Variants in THRB observed in about 807,000 individuals in gnomAD.
THRB encodes thyroid hormone receptor beta.
Under a neutral mutation model 47.8 loss-of-function variants are expected in THRB, and 12 were observed. The ratio of observed to expected loss-of-function variants is 0.25; its 90% CI spans 0.16 to 0.41. The LOEUF is 0.41. Ranked by LOEUF, THRB falls within the 10% of genes least tolerant of loss-of-function variation. The probability of loss-of-function intolerance (pLI) is 1.00; values close to 1 mark genes in which losing one functional copy is unlikely to be tolerated. For missense variants in THRB, 348 were observed against 589.2 expected (o/e 0.59, Z 4.24); for synonymous variants, 218 against 212.2 (o/e 1.03, Z -0.24).
At chr3:24,208,536 AT>A (rs1344361864) in intron 4 of THRB, among the ~76,000 whole-genome samples, 2 of 152,222 alleles carry the variant, frequency 1.3e-5, no homozygotes, top group African/African-American at 4.8e-5. Context: ...GCCCTCAGAA[AT>A]AATACCACAC....
intron 3 of THRB, among the ~76,000 whole-genome samples, chr3:24,264,376 G>T (rs762273435): frequency 6.6e-6 from 1 of 152,100 alleles, no homozygotes; most frequent in African/African-American, 2.4e-5. Context: ...TGTGTTTATT[G>T]TACCTCTTAA....
At chr3:24,358,971 A>G (rs1326531856) in intron 1 of THRB, among the ~76,000 whole-genome samples, 3 of 152,170 alleles carry the variant, frequency 2.0e-5, no homozygotes, top group African/African-American at 7.2e-5. Flanking sequence ...ATTTTCCTCA[A>G]TGGGAAGAAT....
intron 6 of THRB, among the ~76,000 whole-genome samples, chr3:24,151,834 C>T (rs145388139): frequency 6.6e-6 from 1 of 152,308 alleles, no homozygotes; most frequent in Non-Finnish European, 1.5e-5. Context: ...GATGGATGAC[C>T]AGAATCTACT....
chr3:24,254,804 T>A (rs766639125), intron 3 of THRB, among the ~76,000 whole-genome samples: 1 of 152,344 alleles, frequency 6.6e-6, no homozygotes. Context: ...ACGTACACCA[T>A]TTTTATTTTC....
At chr3:24,466,985 T>C (rs2074207613) in intron 1 of THRB, among the ~76,000 whole-genome samples, 1 of 152,236 alleles carries the variant, frequency 6.6e-6, no homozygotes, top group Non-Finnish European at 1.5e-5. Flanking sequence ...TGCTGTTTGA[T>C]AGAATTTTGC....
At chr3:24,216,674 G>A (rs2046602181) in intron 4 of THRB, among the ~76,000 whole-genome samples, 1 of 152,106 alleles carries the variant, frequency 6.6e-6, no homozygotes, top group African/African-American at 2.4e-5. Flanking sequence ...CTTCTCAAAG[G>A]CAAGAACTCT....
chr3:24,329,397 A>G (rs1441557651), intron 2 of THRB, among the ~76,000 whole-genome samples: 2 of 151,976 alleles, frequency 1.3e-5, no homozygotes, highest in East Asian at 3.9e-4. Context: ...GAGGTATCCT[A>G]TCTTCCAGGA....
chr3:24,271,963 T>C (rs1202471579), intron 3 of THRB, among the ~76,000 whole-genome samples: 1 of 152,156 alleles, frequency 6.6e-6, no homozygotes, highest in Non-Finnish European at 1.5e-5. Flanking sequence ...ATGATGGTCT[T>C]GGGTTATTAT....
intron 9 of THRB, among the ~76,000 whole-genome samples, chr3:24,128,029 G>A (rs972726464): frequency 2.6e-5 from 4 of 152,146 alleles, no homozygotes; most frequent in African/African-American, 4.8e-5. Context: ...TATTACAGTC[G>A]TGTGTGAAAC....
At chr3:24,336,722 C>CCTTTTTTTTTTTTTTTTTTTT (rs1167185445) in intron 2 of THRB, among the ~76,000 whole-genome samples, 1 of 135,960 alleles carries the variant, frequency 7.4e-6, no homozygotes. Context: ...AATTCTCATG[C>CCTTTTTTTTTTTTTTTTTTTT]TTTTTTTTTT....
chr3:24,176,594 A>ATGTT (rs1344506368), intron 5 of THRB, among the ~76,000 whole-genome samples: 1 of 152,188 alleles, frequency 6.6e-6, no homozygotes, highest in Non-Finnish European at 1.5e-5. Context: ...ATACTTGAAA[A>ATGTT]TGTTATAAAA....
At chr3:24,231,621 G>C (rs1418177771) in intron 3 of THRB, among the ~76,000 whole-genome samples, 2 of 152,048 alleles carry the variant, frequency 1.3e-5, no homozygotes, top group Non-Finnish European at 1.5e-5. Context: ...GTAGTATTTA[G>C]TACAATTTTC....
At chr3:24,494,210 C>G (rs1045430294) in intron 1 of THRB, 1 of 152,338 alleles carries the variant, frequency 6.6e-6, no homozygotes, top group Non-Finnish European at 1.5e-5. Context: ...AACCCTCCCC[C>G]CTGGCCTGCC....
chr3:24,298,439 A>G (rs1182023107), intron 2 of THRB, among the ~76,000 whole-genome samples: 2 of 152,238 alleles, frequency 1.3e-5, no homozygotes, highest in African/African-American at 4.8e-5. Flanking sequence ...CATGCAAATA[A>G]TTATTCAGAT....
At chr3:24,280,624 C>T (rs915266804) in intron 3 of THRB, among the ~76,000 whole-genome samples, 12 of 152,136 alleles carry the variant, frequency 7.9e-5, no homozygotes, top group East Asian at 3.9e-4. Context: ...AGGCTTCAGA[C>T]GATCAAATTA....
Position 24,365,626 on chromosome 3 carries a change from T to G in THRB, c.-260-28255A>C, listed in dbSNP as rs919934769. 5.3e-5 allele frequency among the ~76,000 whole-genome samples: 8 copies of G among 152,212 alleles called. No individual in the cohort carries two copies. The South Asian group carries it at 1.2e-3, about 24-fold the overall frequency. ...TGCAAACAGCAGCAGTCAATTGCCA[T>G]ATGGATAATCTTTATCAGCTGGAAA... is the stretch of plus-strand genomic sequence containing the variant. On this transcript the variant is annotated intron_variant, in intron 1 of 10. Coordinates refer to ENST00000646209, the MANE Select transcript of THRB (RefSeq NM_001354712.2).
intron 2 of THRB, among the ~76,000 whole-genome samples, chr3:24,327,875 A>G (rs17014539): frequency 0.13 from 20,310 of 152,208 alleles, 1,437 homozygotes; most frequent in East Asian, 0.28. Context: ...AAAGGTAAAC[A>G]AGAAAGTAGA....
At chr3:24,305,530 A>G (rs1194311381) in intron 2 of THRB, among the ~76,000 whole-genome samples, 1 of 152,214 alleles carries the variant, frequency 6.6e-6, no homozygotes, top group Non-Finnish European at 1.5e-5. Flanking sequence ...CATAAGTGGT[A>G]ATTGATCCAA....
At chr3:24,491,012 T>C (rs953637410) in intron 1 of THRB, among the ~76,000 whole-genome samples, 1 of 152,180 alleles carries the variant, frequency 6.6e-6, no homozygotes, top group African/African-American at 2.4e-5. Context: ...ATGATATAAT[T>C]TGATATTTCA....
Sources: gnomAD v4.1 joint callset for allele counts (sites outside exome capture counted in the v4.1 genomes callset) on GRCh38, gnomAD v4.1.1 for gene constraint, MANE v1.5 for transcripts, NCBI Gene and HGNC (gene_info 2026-07-23, HGNC 2026-07-21) for gene names.